The following NAALAD2 variants were observed in gnomAD, a reference collection of about 807,000 sequenced individuals.
NAALAD2 encodes the protein N-acetylated alpha-linked acidic dipeptidase 2.
A neutral mutation model predicts 95.6 loss-of-function variants in NAALAD2; 89 were observed. That is an observed-to-expected ratio of 0.93 (90% CI 0.78 to 1.11). The LOEUF (loss-of-function observed/expected upper bound fraction) is 1.11, where lower values mean the gene tolerates loss of function less well. Ranked by LOEUF, NAALAD2 falls within the 50% of genes least tolerant of loss-of-function variation. The probability of loss-of-function intolerance (pLI) is 0.00; values close to 1 mark genes in which losing one functional copy is unlikely to be tolerated. For missense variants in NAALAD2, 894 were observed against 872.4 expected, an observed-to-expected ratio of 1.02 and a Z score of -0.31; for synonymous variants, 264 against 294.4, an observed-to-expected ratio of 0.90 and a Z score of 1.06.
intron 18 of NAALAD2, 29 bp downstream of exon 18, chr11:90,183,037 C>T (rs1483008790): frequency 2.6e-6 from 4 of 1,531,512 alleles, no homozygotes; most frequent in Non-Finnish European, 2.7e-6. Flanking sequence ...CCAAATACAT[C>T]ACTGTGACCA....
In NAALAD2 at chr11:90,148,994, A is replaced by C; in HGVS notation, c.382-12A>C. The C allele has an allele frequency of 1.3e-6, 2 of 1,518,750 alleles. No individual in the cohort carries two copies. The highest frequency in any genetic ancestry group is 1.8e-6 in the Non-Finnish European group (2 of 1,108,720). 94.1% of individuals were successfully genotyped at this position (1,518,750 alleles called of 1,614,324 possible). A position where few individuals can be genotyped will look rare whatever the true frequency, so the allele number is the denominator to read the frequency against. ...GAATTTTTCTAACTTGACATATTTT[A>C]ATTCTTGCTAGATTTTCAAAACATC... is the stretch of plus-strand genomic sequence containing the variant. On this transcript the variant is annotated splice_polypyrimidine_tract_variant and intron_variant, in intron 3 of 18. Coordinates refer to ENST00000534061, the MANE Select transcript of NAALAD2 (RefSeq NM_005467.4).
intron 6 of NAALAD2, among the ~76,000 whole-genome samples, chr11:90,154,854 A>AAT (rs200754137): frequency 1.9e-4 from 27 of 139,378 alleles, no homozygotes; most frequent in East Asian, 3.9e-4. Flanking sequence ...ACGTATACAT[A>AAT]ATATGTATAT....
At chr11:90,147,242 A>T (rs1951768403) in intron 2 of NAALAD2, 88 bp from the exon 3 acceptor site, 1 of 1,006,224 alleles carries the variant, frequency 9.9e-7, no homozygotes, top group Non-Finnish European at 1.5e-6. Flanking sequence ...TTAATGCCCA[A>T]TGCATAAGTA....
intron 3 of NAALAD2, among the ~76,000 whole-genome samples, chr11:90,148,511 G>A (rs1951805933): frequency 6.6e-6 from 1 of 152,082 alleles, no homozygotes; most frequent in Non-Finnish European, 1.5e-5. Flanking sequence ...TGGACATCCA[G>A]GATGAAATAA....
At chr11:90,189,445 A>C (rs1455155578) in intron 18 of NAALAD2, among the ~76,000 whole-genome samples, 3 of 152,218 alleles carry the variant, frequency 2.0e-5, no homozygotes, top group African/African-American at 7.2e-5. Context: ...AAGTCTTTAA[A>C]AGCTGCAAAG....
rs189796008 is a variant in NAALAD2, at chr11:90,183,179, T to G, written c.2033+171T>G. Among the ~76,000 whole-genome samples, 91 of 152,288 alleles carry G rather than the reference T, an allele frequency of 6.0e-4. 1 individual carries two copies. The East Asian group carries it at 0.016, about 27-fold the overall frequency. On this transcript the variant is annotated intron_variant, in intron 18 of 18. Transcript: ENST00000534061. ...TATAATACATATTAGAAAAATAAAT[T>G]TCATATTGTTTATTGCTTTGCTGTG...
chr11:90,163,249 A>T (rs2156434), intron 9 of NAALAD2, 61 bp from the exon 10 acceptor site: 6 of 1,518,758 alleles, frequency 4.0e-6, no homozygotes, highest in South Asian at 1.2e-5. Flanking sequence ...TTAAAAACAT[A>T]AATTACAAAT....
chr11:90,137,463 T>C (rs540421917), intron 2 of NAALAD2, among the ~76,000 whole-genome samples: 4 of 152,348 alleles, frequency 2.6e-5, no homozygotes, highest in Admixed American at 6.5e-5. Flanking sequence ...TATCAAGATA[T>C]CACATATACC....
chr11:90,188,730 A>C (rs1857234169), intron 18 of NAALAD2, among the ~76,000 whole-genome samples: 1 of 152,218 alleles, frequency 6.6e-6, no homozygotes, highest in South Asian at 2.1e-4. Context: ...TTGCAAACTT[A>C]ATTATTTTTG....
intron 5 of NAALAD2, 72 bp downstream of exon 5, chr11:90,150,679 G>T (rs1456765519): frequency 3.9e-6 from 5 of 1,295,804 alleles, no homozygotes; most frequent in Admixed American, 2.7e-5. Context: ...TGACCAACTT[G>T]CTTCTCTGTT....
intron 11 of NAALAD2, chr11:90,163,850 C>A (rs1262589317): frequency 4.4e-6 from 2 of 453,404 alleles, no homozygotes; most frequent in Non-Finnish European, 7.7e-6. Context: ...ATTTTCGTTG[C>A]CATTTGCATT....
intron 18 of NAALAD2, among the ~76,000 whole-genome samples, chr11:90,189,084 T>G (rs1857247097): frequency 6.6e-6 from 1 of 152,164 alleles, no homozygotes; most frequent in Admixed American, 6.5e-5. Context: ...AGTCTTCCTG[T>G]AAGAGGCAGG....
rs1444237635 is a variant in NAALAD2 at position 90,170,080 on chromosome 11, C to T, written c.1354C>T (p.Leu452Phe). The T allele has an allele frequency of 6.3e-7, 1 of 1,581,700 alleles. No homozygotes were observed. Among genetic ancestry groups the T allele is most frequent in the Admixed American group, 1.7e-5 (1 of 59,950 alleles). Reference sequence around the variant, plus strand: ...TATTTATTTTTCAGGCAATTATACTCTCAGAGTTGACTGTACTCCCCTTCT... The same window carrying T: ...TATTTATTTTTCAGGCAATTATACTTTCAGAGTTGACTGTACTCCCCTTCT... ...SDSSIEGNYT[L>F]RVDCTPLLYQ... The change falls in exon 13 of 19, where the codon CTC becomes TTC. Residue 452 changes from leucine (L) to phenylalanine (F), a missense_variant. Leu to Phe is a conservative substitution (Grantham distance 22). Coordinates refer to ENST00000534061, the MANE Select transcript of NAALAD2 (RefSeq NM_005467.4).
At position 90,191,666 on chromosome 11, in the gene NAALAD2, C is replaced by T. The variant is rs756691552; in HGVS notation, c.2142C>T (p.Ala714=). The change falls in exon 19 of 19, where the codon GCC becomes GCT. Residue 714 remains alanine (A), a synonymous_variant. Transcript: ENST00000534061. ...AAAATAAAGCCAACTCTCGTTTGGCCTGGAAAGAAGTAAAGAAACATATTT... is the reference window on the plus strand; with the variant it reads ...AAAATAAAGCCAACTCTCGTTTGGCTTGGAAAGAAGTAAAGAAACATATTT... The part of the protein sequence containing the change: ...DIENKANSRL[A]WKEVKKHISI... The T allele has an allele frequency of 5.1e-5, 82 of 1,602,704 alleles. No individual in the cohort carries two copies. The highest frequency in any genetic ancestry group is 7.0e-5 in the Non-Finnish European group (82 of 1,174,808).
chr11:90,177,851 A>G lies in NAALAD2; in HGVS notation c.1594-2A>G. 5.7e-6 allele frequency: 9 copies of G among 1,584,166 alleles called. No homozygotes were observed. Among genetic ancestry groups the G allele is most frequent in the Non-Finnish European group, 7.7e-6 (9 of 1,170,726 alleles). ...ATACTTGCCTCTCCATTTTTTTTTC[A>G]GAAAACAGATAAGTACAGCAGCTAC... On this transcript the variant is annotated splice_acceptor_variant, in intron 15 of 18. Transcript: ENST00000534061. LOFTEE classifies it high-confidence loss of function.
chr11:90,176,143 C>A, intron 15 of NAALAD2, 81 bp downstream of exon 15: 3 of 1,052,902 alleles, frequency 2.8e-6, no homozygotes, highest in Non-Finnish European at 2.9e-6. Context: ...TGTTTGGCAC[C>A]AGACACCTGG....
intron 11 of NAALAD2, among the ~76,000 whole-genome samples, chr11:90,165,685 C>CTA (rs1172068294): frequency 6.6e-6 from 1 of 152,154 alleles, no homozygotes; most frequent in Non-Finnish European, 1.5e-5. Flanking sequence ...CATTTTGAAA[C>CTA]TATAACATTA....
At chr11:90,137,149 T>TA (rs893386560) in intron 2 of NAALAD2, among the ~76,000 whole-genome samples, 9 of 149,654 alleles carry the variant, frequency 6.0e-5, no homozygotes, top group South Asian at 2.1e-4. Flanking sequence ...ATGTGGGAGC[T>TA]AAAAAAAAAT....
At chr11:90,133,403 A>G (rs7109688), upstream of NAALAD2, among the ~76,000 whole-genome samples, 67,976 of 151,662 alleles carry the variant, frequency 0.45, 16,168 homozygotes, top group African/African-American at 0.61. Context: ...CAGGGGAATG[A>G]CAGGGACCAT....
Sources: allele counts gnomAD v4.1 joint callset (sites outside exome capture counted in the v4.1 genomes callset), GRCh38; gene constraint gnomAD v4.1.1; transcripts MANE v1.5; gene names NCBI Gene and HGNC (gene_info 2026-07-23, HGNC 2026-07-21).